The following FGGY variants were observed in gnomAD, a reference collection of about 807,000 sequenced individuals.
The protein encoded by FGGY is FGGY carbohydrate kinase domain containing.
FGGY carries 72 observed loss-of-function variants against 71.3 expected under a neutral mutation model. The observed-to-expected ratio is 1.01, with a 90% CI of 0.84 to 1.23. FGGY has a LOEUF of 1.23. Among genes scored for constraint, FGGY ranks in the 50% most tolerant of loss-of-function variants. The pLI, the probability that FGGY is intolerant of heterozygous loss-of-function variation, is 0.00. For missense variants in FGGY, 668 were observed against 682.3 expected, an observed-to-expected ratio of 0.98 and a Z score of 0.23; for synonymous variants, 251 against 250.3, an observed-to-expected ratio of 1.00 and a Z score of -0.02.
chr1:59,361,981 T>G (rs929750378), intron 4 of FGGY, among the ~76,000 whole-genome samples: 2 of 152,282 alleles, frequency 1.3e-5, no homozygotes, highest in Non-Finnish European at 2.9e-5. Flanking sequence ...CAGCCATGAC[T>G]TCATTCATCC....
intron 6 of FGGY, among the ~76,000 whole-genome samples, chr1:59,502,425 G>A (rs1008182144): frequency 6.6e-6 from 1 of 152,192 alleles, no homozygotes; most frequent in South Asian, 2.1e-4. Flanking sequence ...CTTAGGCTAG[G>A]TGAGAACAAA....
At chr1:59,665,444 C>T (rs928404499) in intron 12 of FGGY, among the ~76,000 whole-genome samples, 9 of 152,144 alleles carry the variant, frequency 5.9e-5, no homozygotes, top group African/African-American at 1.7e-4. Context: ...AACTGCTGTG[C>T]CTTTTGCTCC....
In FGGY at chr1:59,321,595, G is replaced by A; in HGVS notation, c.46G>A (p.Asp16Asn). The A allele has an allele frequency of 6.2e-7, 1 of 1,613,970 alleles. No individual in the cohort carries two copies. Among genetic ancestry groups the A allele is most frequent in the Non-Finnish European group, 8.5e-7 (1 of 1,179,890 alleles). Residue 16 changes from aspartate (D) to asparagine (N), a missense_variant, in exon 2 of 16, where the codon GAC (aspartate) becomes AAC (asparagine). Physicochemically the swap from Asp to Asn is conservative, Grantham distance 23 (BLOSUM62 1). Coordinates refer to ENST00000303721, the MANE Select transcript of FGGY (RefSeq NM_018291.5). ...ACCAGAGAGGTACTATGTGGGTGTG[G>A]ACGTTGGAACAGGCAGTGTCCGTGC... ...QKPERYYVGVDVGTGSVRAAL... is the reference protein window; with the variant it reads ...QKPERYYVGVNVGTGSVRAAL...
intron 4 of FGGY, among the ~76,000 whole-genome samples, chr1:59,372,743 G>T (rs140983112): frequency 6.6e-6 from 1 of 152,138 alleles, no homozygotes; most frequent in Non-Finnish European, 1.5e-5. Flanking sequence ...TGGGATGTAA[G>T]GCTGGTCCAA....
In FGGY at chr1:59,637,054, T is replaced by C. The variant is rs2096967183; in HGVS notation, c.1074-1174T>C. Among the ~76,000 whole-genome samples the C allele has an allele frequency of 2.0e-5, 3 of 152,160 alleles. No homozygotes were observed. The South Asian group carries it at 6.2e-4, about 31-fold the overall frequency. ...TCAGAACTTTTAGAAAGCAGCATCT[T>C]TTAAGAGGGGAAGGTTGACCAGCTT... On this transcript the variant is annotated intron_variant, in intron 10 of 15. Coordinates refer to ENST00000303721, the MANE Select transcript of FGGY (RefSeq NM_018291.5).
chr1:59,461,695 C>T (rs2092231824), intron 6 of FGGY, among the ~76,000 whole-genome samples: 1 of 152,136 alleles, frequency 6.6e-6, no homozygotes, highest in South Asian at 2.1e-4. Flanking sequence ...CAAAGGAAAG[C>T]CCATCAGACT....
intron 7 of FGGY, among the ~76,000 whole-genome samples, chr1:59,526,596 A>G (rs919071574): frequency 2.0e-5 from 3 of 152,222 alleles, no homozygotes; most frequent in African/African-American, 4.8e-5. Flanking sequence ...CTCTTCCAGG[A>G]CAAGTTAGGA....
intron 8 of FGGY, among the ~76,000 whole-genome samples, chr1:59,564,801 G>A (rs974562628): frequency 6.6e-6 from 1 of 152,202 alleles, no homozygotes; most frequent in Non-Finnish European, 1.5e-5. Flanking sequence ...CTGGCCCCAT[G>A]TTTCTGGAAA....
chr1:59,387,694 C>G (rs2060235885), intron 5 of FGGY, among the ~76,000 whole-genome samples: 1 of 152,106 alleles, frequency 6.6e-6, no homozygotes, highest in Admixed American at 6.6e-5. Flanking sequence ...TAATCAGTTG[C>G]TAACATTTTA....
chr1:59,641,455 C>A, intron 11 of FGGY: 1 of 880,632 alleles, frequency 1.1e-6, no homozygotes, highest in Non-Finnish European at 1.8e-6. Context: ...ACAAAGAAAA[C>A]AGAAAAGTAC....
Position 59,339,711 on chromosome 1 carries a change from C to G in FGGY, c.202-247C>G, listed in dbSNP as rs531220707. 3.0e-4 allele frequency among the ~76,000 whole-genome samples: 46 copies of G among 151,534 alleles called. No homozygotes were observed. In the South Asian group the frequency reaches 9.3e-3, roughly 31 times the overall value. On this transcript the variant is annotated intron_variant, in intron 2 of 15. Transcript: ENST00000303721. The stretch of plus-strand genomic sequence containing the variant: ...AACTCCTGACCTTGTGATCTACCCA[C>G]TTCGGCCTCCCAAAGTGCTGGGATT...
chr1:59,374,911 G>A (rs1388719737), intron 4 of FGGY, among the ~76,000 whole-genome samples: 1 of 121,520 alleles, frequency 8.2e-6, no homozygotes, highest in African/African-American at 3.0e-5. Context: ...ACTGTTGTGG[G>A]GTGGGGGGAG....
At chr1:59,562,654 G>C (rs2095810431) in intron 8 of FGGY, among the ~76,000 whole-genome samples, 1 of 152,080 alleles carries the variant, frequency 6.6e-6, no homozygotes, top group Non-Finnish European at 1.5e-5. Context: ...AAACTTTCTT[G>C]AATAAAAAAT....
chr1:59,581,902 A>G (rs781779575), intron 8 of FGGY, among the ~76,000 whole-genome samples: 4 of 149,954 alleles, frequency 2.7e-5, no homozygotes, highest in Non-Finnish European at 4.4e-5. Flanking sequence ...ATGTTTAGCT[A>G]TCAACTCTGT....
intron 14 of FGGY, among the ~76,000 whole-genome samples, chr1:59,704,568 CT>C (rs1285979516): frequency 4.6e-5 from 7 of 151,962 alleles, no homozygotes; most frequent in East Asian, 1.9e-4. Flanking sequence ...AAAGAGATAA[CT>C]TTTTTTATCT....
chr1:59,722,167 A>ATTT (rs56317098), intron 14 of FGGY, among the ~76,000 whole-genome samples: 1 of 147,724 alleles, frequency 6.8e-6, no homozygotes, highest in African/African-American at 2.5e-5. Context: ...GATTTGTCTA[A>ATTT]TTTTTTTTTT....
intron 5 of FGGY, among the ~76,000 whole-genome samples, chr1:59,414,783 C>T (rs2064116418): frequency 1.3e-5 from 2 of 152,198 alleles, no homozygotes; most frequent in Admixed American, 1.3e-4. Flanking sequence ...AGAGCTGCAG[C>T]CATCCTACAC....
chr1:59,307,313 C>CA (rs398049311), intron 1 of FGGY, among the ~76,000 whole-genome samples: 4,503 of 66,692 alleles, frequency 0.068, 314 homozygotes, highest in African/African-American at 0.16. Flanking sequence ...GACCCTGTCT[C>CA]AAAAAAAAAA....
intron 8 of FGGY, among the ~76,000 whole-genome samples, chr1:59,594,631 A>G (rs1333965511): frequency 6.6e-6 from 1 of 152,178 alleles, no homozygotes; most frequent in Non-Finnish European, 1.5e-5. Flanking sequence ...GTGCTCAGTC[A>G]CACCCTATGA....
Sources: gnomAD v4.1 joint callset for allele counts (sites outside exome capture counted in the v4.1 genomes callset) on GRCh38, gnomAD v4.1.1 for gene constraint, MANE v1.5 for transcripts, NCBI Gene and HGNC (gene_info 2026-07-23, HGNC 2026-07-21) for gene names.